THRB: variants seen among roughly 807,000 people sequenced by gnomAD.
THRB encodes the protein nuclear receptor subfamily 1 group A member 2.
In THRB, 12 loss-of-function variants were observed where a neutral mutation model predicts 47.8. The observed-to-expected ratio is 0.25, with a 90% CI of 0.16 to 0.41. The LOEUF (loss-of-function observed/expected upper bound fraction) is 0.41, where lower values mean the gene tolerates loss of function less well. THRB is among the 10% of genes least tolerant of loss of function. The pLI, the probability that THRB is intolerant of heterozygous loss-of-function variation, is 1.00. For missense variants in THRB, 348 were observed against 589.2 expected (o/e 0.59, Z 4.24); for synonymous variants, 218 against 212.2 (o/e 1.03, Z -0.24).
chr3:24,482,591 A>G (rs1373751101), intron 1 of THRB, among the ~76,000 whole-genome samples: 1 of 137,760 alleles, frequency 7.3e-6, no homozygotes, highest in East Asian at 2.0e-4. Flanking sequence ...CTAGCTCCCA[A>G]CCAATCCAGG....
At chr3:24,333,925 CG>C (rs1559955181) in intron 2 of THRB, among the ~76,000 whole-genome samples, 1 of 152,050 alleles carries the variant, frequency 6.6e-6, no homozygotes, top group Admixed American at 6.6e-5. Context: ...TTCCTAACGC[CG>C]TCATCATTTC....
intron 3 of THRB, among the ~76,000 whole-genome samples, chr3:24,257,593 T>G (rs1300283656): frequency 6.6e-6 from 1 of 152,236 alleles, no homozygotes; most frequent in Non-Finnish European, 1.5e-5. Flanking sequence ...TATTTTAGGA[T>G]TTTTGGGCCA....
intron 1 of THRB, among the ~76,000 whole-genome samples, chr3:24,405,356 A>G (rs1356344769): frequency 6.6e-6 from 1 of 151,946 alleles, no homozygotes; most frequent in Non-Finnish European, 1.5e-5. Context: ...CAGACTGTCT[A>G]TGGCCGCTTT....
chr3:24,474,553 T>C (rs1218511437), intron 1 of THRB, among the ~76,000 whole-genome samples: 1 of 152,206 alleles, frequency 6.6e-6, no homozygotes, highest in Non-Finnish European at 1.5e-5. Flanking sequence ...TTTGTGATAG[T>C]CTACCAGAAT....
chr3:24,423,683 T>A (rs370685576), intron 1 of THRB, among the ~76,000 whole-genome samples: 1 of 151,874 alleles, frequency 6.6e-6, no homozygotes, highest in Non-Finnish European at 1.5e-5. Flanking sequence ...ACAGCAATAG[T>A]ACTATACAAT....
intron 5 of THRB, among the ~76,000 whole-genome samples, chr3:24,156,658 G>A (rs1403652176): frequency 6.6e-6 from 1 of 152,200 alleles, no homozygotes; most frequent in Non-Finnish European, 1.5e-5. Context: ...TCATCTTGTA[G>A]AGCTATCAAC....
At chr3:24,314,099 C>T (rs977076165) in intron 2 of THRB, among the ~76,000 whole-genome samples, 4 of 152,148 alleles carry the variant, frequency 2.6e-5, no homozygotes, top group Admixed American at 2.6e-4. Flanking sequence ...TTTTATACAC[C>T]TGCTGTCATT....
At chr3:24,495,677 C>T (rs1698907028), upstream of THRB, 1 of 152,320 alleles carries the variant, frequency 6.6e-6, no homozygotes, top group Non-Finnish European at 1.5e-5. Context: ...GGCGAGTCTT[C>T]CAGGAGCACG....
intron 1 of THRB, among the ~76,000 whole-genome samples, chr3:24,417,134 ACACACG>A: frequency 1.1e-5 from 1 of 90,412 alleles, no homozygotes; most frequent in South Asian, 3.7e-4. Context: ...ACACACACAC[ACACACG>A]CGCAACGCGT....
At chr3:24,242,464 G>A (rs559202716) in intron 3 of THRB, among the ~76,000 whole-genome samples, 1 of 152,074 alleles carries the variant, frequency 6.6e-6, no homozygotes. Context: ...CAGCAGCTCA[G>A]ATATGCAACT....
At chr3:24,481,229 GT>G (rs746323691) in intron 1 of THRB, among the ~76,000 whole-genome samples, 11,768 of 55,218 alleles carry the variant, frequency 0.21, 800 homozygotes, top group Middle Eastern at 0.3. Context: ...GTTTCTTTCT[GT>G]TTTTTTTTTT....
intron 1 of THRB, chr3:24,430,298 C>T (rs914718298): frequency 1.3e-5 from 2 of 151,974 alleles, no homozygotes; most frequent in African/African-American, 4.8e-5. Context: ...CAAAGTGTTC[C>T]ATGACATAGA....
chr3:24,339,500 T>C lies in THRB; in HGVS notation c.-260-2129A>G, dbSNP rs185376248. Among the ~76,000 whole-genome samples, 464 of 152,292 alleles carry C rather than the reference T, an allele frequency of 3.0e-3. 4 individuals carry two copies. Among genetic ancestry groups the C allele is most frequent in the African/African-American group, 0.011 (456 of 41,564 alleles). On this transcript the variant is annotated intron_variant, in intron 1 of 10. Transcript: ENST00000646209. ...AGGCAGTCTGATGTCATGGGCCTTG[T>C]TCTAAATGATTGAGAACAGATTTAG...
chr3:24,151,840 C>T (rs762525263), intron 6 of THRB, among the ~76,000 whole-genome samples: 7 of 152,202 alleles, frequency 4.6e-5, no homozygotes, highest in Admixed American at 6.5e-5. Context: ...TGACCAGAAT[C>T]TACTTAGTCA....
intron 2 of THRB, among the ~76,000 whole-genome samples, chr3:24,329,148 T>C (rs2061763503): frequency 1.3e-5 from 2 of 152,158 alleles, no homozygotes; most frequent in Non-Finnish European, 2.9e-5. Context: ...TCTTGCTATG[T>C]TGCCTAGGGT....
chr3:24,227,183 C>T (rs1286112988), intron 4 of THRB, among the ~76,000 whole-genome samples: 1 of 152,208 alleles, frequency 6.6e-6, no homozygotes, highest in African/African-American at 2.4e-5. Context: ...ATCCTTATAG[C>T]ACCTGCTCTC....
chr3:24,481,240 T>TTTTGTTTTTTTTTTG (rs1560296594), intron 1 of THRB, among the ~76,000 whole-genome samples: 1 of 146,026 alleles, frequency 6.8e-6, no homozygotes, highest in African/African-American at 2.6e-5. Context: ...TTTTTTTTTT[T>TTTTGTTTTTTTTTTG]TTTTTTTTTT....
intron 6 of THRB, among the ~76,000 whole-genome samples, chr3:24,149,046 G>C (rs1255000770): frequency 6.6e-6 from 1 of 152,174 alleles, no homozygotes; most frequent in Non-Finnish European, 1.5e-5. Context: ...TGGGTGTGCA[G>C]GGTGGGCAAA....
At chr3:24,218,338 CTCTCT>C (rs1369026447) in intron 4 of THRB, among the ~76,000 whole-genome samples, 7 of 105,912 alleles carry the variant, frequency 6.6e-5, no homozygotes, top group African/African-American at 3.3e-4. Flanking sequence ...CTCTCTCTCT[CTCTCT>C]TTTTTTTTTT....
Sources: allele counts gnomAD v4.1 joint callset (sites outside exome capture counted in the v4.1 genomes callset), GRCh38; gene constraint gnomAD v4.1.1; transcripts MANE v1.5; gene names NCBI Gene and HGNC (gene_info 2026-07-23, HGNC 2026-07-21).